The following RTL4 variants were observed in gnomAD, a reference collection of about 807,000 sequenced individuals.
RTL4 encodes the protein retrotransposon Gag like 4.
RTL4 carries 4 observed loss-of-function variants against 5.3 expected under a neutral mutation model. The ratio of observed to expected loss-of-function variants is 0.75; its 90% CI spans 0.37 to 1.72. RTL4 has a LOEUF of 1.72. Ranked by LOEUF, RTL4 falls within the 40% of genes most tolerant of loss-of-function variation. RTL4 has a pLI of 0.04. For missense variants in RTL4, 260 were observed against 227.1 expected, an observed-to-expected ratio of 1.14 and a Z score of -0.93; for synonymous variants, 98 against 87.3, an observed-to-expected ratio of 1.12 and a Z score of -0.68.
chrX:112,273,543 C>T, the RTL4 span, among the ~76,000 whole-genome samples: 19 of 111,817 alleles, frequency 1.7e-4, no homozygotes, highest in Admixed American at 4.7e-4. Context: ...TGAGCTACCG[C>T]GCCCAACCAA....
the RTL4 span, among the ~76,000 whole-genome samples, chrX:112,216,818 C>T: frequency 1.8e-5 from 2 of 111,814 alleles, no homozygotes; most frequent in African/African-American, 6.5e-5. Context: ...GCTCATTTCC[C>T]CCAGTGGTAG....
the RTL4 span, among the ~76,000 whole-genome samples, chrX:112,298,911 C>G: frequency 1.8e-5 from 2 of 112,610 alleles, no homozygotes; most frequent in Non-Finnish European, 3.8e-5. Context: ...TAAAATGTAC[C>G]AACTGATGCC....
chrX:112,329,002 C>A, the RTL4 span, among the ~76,000 whole-genome samples: 6 of 111,298 alleles, frequency 5.4e-5, no homozygotes, highest in Non-Finnish European at 1.1e-4. Flanking sequence ...GGGATGCATT[C>A]AAAGCAGTGT....
the RTL4 span, among the ~76,000 whole-genome samples, chrX:112,130,785 G>A: frequency 0.021 from 2,178 of 101,746 alleles, 32 homozygotes; most frequent in Non-Finnish European, 0.033. Flanking sequence ...ACACTTATGG[G>A]TGTGGGTTTT....
the RTL4 span, among the ~76,000 whole-genome samples, chrX:112,327,336 G>A: frequency 7.8e-4 from 88 of 112,215 alleles, no homozygotes; most frequent in African/African-American, 2.8e-3. Context: ...TGAAAACCAA[G>A]GCTCAAGAAC....
the RTL4 span, among the ~76,000 whole-genome samples, chrX:112,419,595 T>TATATATATATGTATATATATATA: frequency 3.6e-5 from 1 of 28,161 alleles, no homozygotes; most frequent in South Asian, 2.4e-3. Flanking sequence ...ATATATATAT[T>TATATATATATGTATATATATATA]TTTACATATG....
the RTL4 span, among the ~76,000 whole-genome samples, chrX:112,105,687 T>G: frequency 3.6e-5 from 4 of 111,494 alleles, no homozygotes; most frequent in Non-Finnish European, 7.6e-5. Flanking sequence ...CTCTGAAAAT[T>G]TTCTGTTAGT....
chrX:112,332,886 T>C, the RTL4 span, among the ~76,000 whole-genome samples: 16 of 111,590 alleles, frequency 1.4e-4, no homozygotes, highest in African/African-American at 5.2e-4. Context: ...TCTATTGTTT[T>C]TTTCTTCCTT....
At chrX:112,103,580 G>GAA in the RTL4 span, among the ~76,000 whole-genome samples, 1 of 100,871 alleles carries the variant, frequency 9.9e-6, no homozygotes, top group African/African-American at 3.6e-5. Flanking sequence ...GGAACTGAAC[G>GAA]AAAAAAAAAA....
chrX:112,208,831 CTT>C, the RTL4 span, among the ~76,000 whole-genome samples: 2 of 112,430 alleles, frequency 1.8e-5, no homozygotes, highest in African/African-American at 3.2e-5. Context: ...TTTCAAGAAC[CTT>C]ACAGGTGTGG....
At chrX:112,096,251 A>G in the RTL4 span, among the ~76,000 whole-genome samples, 1 of 112,373 alleles carries the variant, frequency 8.9e-6, no homozygotes, top group Non-Finnish European at 1.9e-5. Flanking sequence ...TAGCTGGGTT[A>G]TAGTAACTGC....
At chrX:112,129,888 A>G in the RTL4 span, among the ~76,000 whole-genome samples, 1 of 112,404 alleles carries the variant, frequency 8.9e-6, no homozygotes, top group African/African-American at 3.2e-5. Context: ...TGGAAAAAAT[A>G]TCATTAACAG....
At chrX:112,360,601 T>C in the RTL4 span, among the ~76,000 whole-genome samples, 1 of 110,685 alleles carries the variant, frequency 9.0e-6, no homozygotes, top group South Asian at 3.8e-4. Context: ...GTCTTTGAAC[T>C]TTTTGTCCTC....
the RTL4 span, among the ~76,000 whole-genome samples, chrX:112,277,550 G>A: frequency 4.6e-4 from 52 of 111,865 alleles, no homozygotes; most frequent in African/African-American, 1.0e-3. Flanking sequence ...TGGGGAAAGC[G>A]GAGAGCCAAC....
chrX:112,284,742 G>A, the RTL4 span, among the ~76,000 whole-genome samples: 125 of 111,445 alleles, frequency 1.1e-3, no homozygotes, highest in Non-Finnish European at 2.1e-3. Flanking sequence ...TCCTCTGCTC[G>A]CACTGCTTAA....
At chrX:112,402,960 C>T in the RTL4 span, among the ~76,000 whole-genome samples, 52 of 111,340 alleles carry the variant, frequency 4.7e-4, no homozygotes, top group African/African-American at 1.6e-3. Context: ...TTCACAGAAG[C>T]GAACGTCTTG....
chrX:112,427,142 A>T, the RTL4 span, among the ~76,000 whole-genome samples: 11 of 111,500 alleles, frequency 9.9e-5, no homozygotes, highest in Non-Finnish European at 2.1e-4. Context: ...ACAAGCAAAG[A>T]AAACTGAGGC....
At chrX:112,423,159 C>T in the RTL4 span, among the ~76,000 whole-genome samples, 1 of 109,909 alleles carries the variant, frequency 9.1e-6, no homozygotes, top group Admixed American at 9.8e-5. Flanking sequence ...ATGTAAATGA[C>T]AGGAGAATCA....
the RTL4 span, among the ~76,000 whole-genome samples, chrX:112,191,241 CATG>C: frequency 1.8e-5 from 2 of 112,148 alleles, no homozygotes; most frequent in Non-Finnish European, 3.8e-5. Context: ...TGTGTCCTTT[CATG>C]ATACTTCCCT....
Sources: allele counts gnomAD v4.1 joint callset (sites outside exome capture counted in the v4.1 genomes callset), GRCh38; gene constraint gnomAD v4.1.1; transcripts MANE v1.5; gene names NCBI Gene and HGNC (gene_info 2026-07-23, HGNC 2026-07-21).